The following INSRR variants were observed in gnomAD, a reference collection of about 807,000 sequenced individuals.
INSRR encodes insulin receptor-related protein.
INSRR carries 114 observed loss-of-function variants against 130.0 expected under a neutral mutation model. That is an observed-to-expected ratio of 0.88 (90% CI 0.75 to 1.02). The LOEUF is 1.02. Among genes scored for constraint, INSRR ranks in the 50% least tolerant of loss-of-function variants. The pLI, the probability that INSRR is intolerant of heterozygous loss-of-function variation, is 0.00. For synonymous variants in INSRR, 674 were observed against 705.2 expected, an observed-to-expected ratio of 0.96 and a Z score of 0.70; for missense variants, 1,657 against 1,735.2, an observed-to-expected ratio of 0.95 and a Z score of 0.80.
Position 156,845,710 on chromosome 1 carries a change from G to A in INSRR, c.2083C>T (p.Pro695Ser). 1 of 1,613,714 alleles carries A rather than the reference G, an allele frequency of 6.2e-7. No individual in the cohort carries two copies. The highest frequency in any genetic ancestry group is 8.5e-7 in the Non-Finnish European group (1 of 1,179,894). The part of the protein sequence containing the change: ...SDCCPCQHPP[P>S]GQVLPPLEAQ... ...TCCAGCGGGGGCAGAACCTGACCAG[G>A]AGGTGGGTGCTGGCAAGGGCAGCAG... is the stretch of plus-strand genomic sequence containing the variant. The change falls in exon 10 of 22, where the codon CCT becomes TCT. Residue 695 changes from proline to serine, a missense_variant. Transcript: ENST00000368195.
Position 156,858,422 on chromosome 1 carries a change from C to A in INSRR, c.85+115G>T. 3.8e-6 allele frequency: 3 copies of A among 790,028 alleles called. No homozygotes were observed. In the Admixed American group the frequency reaches 5.6e-5, roughly 15 times the overall value. The allele number at this position is 790,028 out of a possible 1,614,324, so 48.9% of individuals were successfully genotyped here. On this transcript the variant is annotated intron_variant, in intron 1 of 21. Transcript: ENST00000368195. Reference sequence around the variant, plus strand: ...CAGTTCTCCTGAGCGCTAACCCCAACCCCCATGTTCCAGTGCAGAGTAAGT... The same window carrying A: ...CAGTTCTCCTGAGCGCTAACCCCAAACCCCATGTTCCAGTGCAGAGTAAGT...
In INSRR at chr1:156,852,209, T is replaced by C; in HGVS notation, c.638-18A>G. 1 of 1,562,228 alleles carries C rather than the reference T, an allele frequency of 6.4e-7. No individual in the cohort carries two copies. ...GGGGCACACTGTGGGGAGAGTGGTG[T>C]GTTAGACGTTGGCCATGCCCCCTCA... is the stretch of plus-strand genomic sequence containing the variant. On this transcript the variant is annotated intron_variant, in intron 2 of 21. Coordinates refer to ENST00000368195, the MANE Select transcript of INSRR (RefSeq NM_014215.3).
In INSRR at chr1:156,853,747, C is replaced by A; in HGVS notation, c.637+5G>T. The A allele has an allele frequency of 6.3e-7, 1 of 1,592,456 alleles. No individual in the cohort carries two copies. Among genetic ancestry groups the A allele is most frequent in the Non-Finnish European group, 8.6e-7 (1 of 1,164,404 alleles). On this transcript the variant is annotated splice_donor_5th_base_variant and intron_variant, in intron 2 of 21. Coordinates refer to ENST00000368195, the MANE Select transcript of INSRR (RefSeq NM_014215.3). ...CCTACATTCATGTTCTGTGCCAGTG[C>A]CCACCTCTCTGGCAGTGGCTGGAGG...
intron 1 of INSRR, among the ~76,000 whole-genome samples, chr1:156,856,468 A>G (rs1275773717): frequency 6.6e-6 from 1 of 152,196 alleles, no homozygotes; most frequent in Non-Finnish European, 1.5e-5. Context: ...TCAGCCTGAC[A>G]TTGTAGGGTG....
intron 2 of INSRR, among the ~76,000 whole-genome samples, chr1:156,852,969 T>A (rs1365282198): frequency 6.6e-6 from 1 of 152,042 alleles, no homozygotes; most frequent in African/African-American, 2.4e-5. Flanking sequence ...GACCACCAGG[T>A]TGGGGGACCC....
chr1:156,844,084 T>G (rs921041417), intron 15 of INSRR, 91 bp downstream of exon 15: 14 of 914,682 alleles, frequency 1.5e-5, no homozygotes, highest in Middle Eastern at 2.2e-4. Context: ...AAGACCTGTC[T>G]TTCTACTGTC....
Position 156,844,689 on chromosome 1 carries a change from G to T in INSRR, c.2574+18C>A, listed in dbSNP as rs1654925461. 6.2e-7 allele frequency: 1 copy of T among 1,613,680 alleles called. No homozygotes were observed. The highest frequency in any genetic ancestry group is 8.5e-7 in the Non-Finnish European group (1 of 1,179,742). On this transcript the variant is annotated intron_variant, in intron 13 of 21. Coordinates refer to ENST00000368195, the MANE Select transcript of INSRR (RefSeq NM_014215.3). ...AGGCACAAAACGGGGCTGGGACGGGGGTCCCACGGGCACCTACCTCTCCCA... is the reference window on the plus strand; with the variant it reads ...AGGCACAAAACGGGGCTGGGACGGGTGTCCCACGGGCACCTACCTCTCCCA...
Position 156,842,105 on chromosome 1 carries a change from T to A in INSRR, c.3397+7A>T. 1 of 1,613,808 alleles carries A rather than the reference T, an allele frequency of 6.2e-7. No individual in the cohort carries two copies. ...GGCCGCCCTCATCTGCCTGGCACCCTCTGTACCCCCGATCTTGACGGTGAA... is the reference window on the plus strand; with the variant it reads ...GGCCGCCCTCATCTGCCTGGCACCCACTGTACCCCCGATCTTGACGGTGAA... On this transcript the variant is annotated splice_region_variant and intron_variant, in intron 19 of 21. Transcript: ENST00000368195.
At chr1:156,856,535 G>C (rs997404232) in intron 1 of INSRR, among the ~76,000 whole-genome samples, 3 of 152,134 alleles carry the variant, frequency 2.0e-5, no homozygotes, top group African/African-American at 7.2e-5. Flanking sequence ...TCAGCCTCTC[G>C]GGTCAGACCT....
At chr1:156,848,862 C>G (rs558443424) in intron 7 of INSRR, 59 bp downstream of exon 7, 6 of 1,529,000 alleles carry the variant, frequency 3.9e-6, no homozygotes, top group Admixed American at 4.0e-5. Context: ...GCCTGTGGTC[C>G]CGAAGAAATT....
chr1:156,851,724 C>T lies in INSRR; in HGVS notation c.1006G>A (p.Asp336Asn), dbSNP rs1277668841. 1.2e-5 allele frequency: 19 copies of T among 1,614,066 alleles called. No homozygotes were observed. The highest frequency in any genetic ancestry group is 1.6e-4 in the Middle Eastern group (1 of 6,084). The change falls in exon 4 of 22, where the codon GAC becomes AAC. Residue 336 changes from aspartate to asparagine, a missense_variant. Asp to Asn is a conservative substitution (Grantham distance 23). Coordinates refer to ENST00000368195, the MANE Select transcript of INSRR (RefSeq NM_014215.3). ...KECKVGTKTI[D>N]SIQAAQDLVG... Reference sequence around the variant, plus strand: ...AGATCCTGTGCCGCCTGGATGGAGTCGATGGTCTTGGTGCCTACCTTGCAC... The same window carrying T: ...AGATCCTGTGCCGCCTGGATGGAGTTGATGGTCTTGGTGCCTACCTTGCAC...
In INSRR at chr1:156,844,465, G is replaced by A. The variant is rs868515305; in HGVS notation, c.2734C>T (p.Pro912Ser). ...CTGTGACAGAGGCTGTGTATACCTGGGCCAAGGATGTAGAAGGCAACACTG... is the reference window on the plus strand; with the variant it reads ...CTGTGACAGAGGCTGTGTATACCTGAGCCAAGGATGTAGAAGGCAACACTG... ...TDSVAFYILG[P>S]EEEDAGGLHV... Residue 912 changes from proline (P) to serine (S), a missense_variant, in exon 14 of 22, where the codon CCA becomes TCA. Pro to Ser is a moderately conservative substitution (Grantham distance 74). Coordinates refer to ENST00000368195, the MANE Select transcript of INSRR (RefSeq NM_014215.3). 1 of 1,613,364 alleles carries A rather than the reference G, an allele frequency of 6.2e-7. No homozygotes were observed. The highest frequency in any genetic ancestry group is 1.7e-5 in the Admixed American group (1 of 59,978).
At chr1:156,846,201 G>T (rs771434029) in intron 8 of INSRR, 82 bp from the exon 9 acceptor site, 9 of 1,386,556 alleles carry the variant, frequency 6.5e-6, no homozygotes, top group Non-Finnish European at 8.7e-6. Flanking sequence ...CCTTTCTGGG[G>T]TCCAACAGCC....
At chr1:156,852,279 G>A (rs1420895941) in intron 2 of INSRR, 88 bp from the exon 3 acceptor site, 1 of 1,321,638 alleles carries the variant, frequency 7.6e-7, no homozygotes, top group Admixed American at 2.3e-5. Context: ...GTTTCTCTTG[G>A]GATGACACTC....
rs758769970 is a variant in INSRR, at chr1:156,841,787, C to T, written c.3405G>A (p.Gly1135=). The change falls in exon 20 of 22, where the codon GGG becomes GGA. Residue 1135 remains glycine, a synonymous_variant. Coordinates refer to ENST00000368195, the MANE Select transcript of INSRR (RefSeq NM_014215.3). The part of the protein sequence containing the change: ...QDFTVKIGDF[G]MTRDVYETDY... ...CTGTCTCATACACGTCCCGAGTCAT[C>T]CCGAAGTCTGGAAAGTGAGGGTGAG... 4 of 1,614,126 alleles carry T rather than the reference C, an allele frequency of 2.5e-6. No homozygotes were observed. In the Admixed American group the frequency reaches 5.0e-5, roughly 20 times the overall value.
rs1654941714 is a variant in INSRR at position 156,845,075 on chromosome 1, C to T, written c.2437+1G>A. 4 of 1,604,404 alleles carry T rather than the reference C, an allele frequency of 2.5e-6. No homozygotes were observed. Among genetic ancestry groups the T allele is most frequent in the Non-Finnish European group, 3.4e-6 (4 of 1,176,240 alleles). On this transcript the variant is annotated splice_donor_variant, in intron 12 of 21. Coordinates refer to ENST00000368195, the MANE Select transcript of INSRR (RefSeq NM_014215.3). LOFTEE classifies it high-confidence loss of function. ...AGAAGGTGTGTGTGTGGATCACCTA[C>T]TGTGGGGCATGGTGCGCGCAAAGAC...
chr1:156,845,842 AAGAC>A (rs1318909314), intron 9 of INSRR, 28 bp from the exon 10 acceptor site: 4 of 1,603,260 alleles, frequency 2.5e-6, no homozygotes, highest in Non-Finnish European at 3.4e-6. Flanking sequence ...AGACACTAGT[AAGAC>A]AGGCGGTCTA....
In INSRR at chr1:156,849,336, G is replaced by T; in HGVS notation, c.1354C>A (p.His452Asn). 1 of 1,614,026 alleles carries T rather than the reference G, an allele frequency of 6.2e-7. No individual in the cohort carries two copies. Among genetic ancestry groups the T allele is most frequent in the Non-Finnish European group, 8.5e-7 (1 of 1,180,012 alleles). ...GTCACCTCCTCCAGTCGGTAGATGT[G>T]TTCCAAGCAGAGGCGCGGGTTGAAG... Reference protein sequence around the residue: ...FAFNPRLCLEHIYRLEEVTGT... With the variant: ...FAFNPRLCLENIYRLEEVTGT... Residue 452 changes from histidine (H) to asparagine (N), a missense_variant, in exon 6 of 22, where the codon CAC (histidine) becomes AAC (asparagine). Physicochemically the swap from His to Asn is moderately conservative, Grantham distance 68. Transcript: ENST00000368195.
At position 156,840,722 on chromosome 1, in the gene INSRR, C is replaced by G. The variant is rs1168640290; in HGVS notation, c.*151G>C. 3 of 660,984 alleles carry G rather than the reference C, an allele frequency of 4.5e-6. No individual in the cohort carries two copies. The East Asian group carries it at 8.1e-5, about 18-fold the overall frequency. The allele number at this position is 660,984 out of a possible 1,614,324, so 40.9% of individuals were successfully genotyped here. A position where few individuals can be genotyped will look rare whatever the true frequency, so the allele number is the denominator to read the frequency against. On this transcript the variant is annotated 3_prime_UTR_variant, in exon 22 of 22. Transcript: ENST00000368195. ...TATGGTGAGACCCCTCTGCCCACCC[C>G]CACAGCCTTCCCTGCTCCTGTTCTC...
Sources: gnomAD v4.1 joint callset for allele counts (sites outside exome capture counted in the v4.1 genomes callset) on GRCh38, gnomAD v4.1.1 for gene constraint, MANE v1.5 for transcripts, NCBI Gene and HGNC (gene_info 2026-07-23, HGNC 2026-07-21) for gene names.